The following NFIB variants were observed in gnomAD, a reference collection of about 807,000 sequenced individuals.
NFIB encodes nuclear factor I B, also known as nuclear factor 1 B-type.
Under a neutral mutation model 61.5 loss-of-function variants are expected in NFIB, and 11 were observed. The observed-to-expected ratio is 0.18, with a 90% CI of 0.11 to 0.30. The LOEUF is 0.30. Ranked by LOEUF, NFIB falls within the 10% of genes least tolerant of loss-of-function variation. NFIB has a pLI of 1.00. For synonymous variants in NFIB, 260 were observed against 216.5 expected (o/e 1.20, Z -1.76); for missense variants, 471 against 608.9 (o/e 0.77, Z 2.38).
chr9:14,405,735 A>G, the NFIB span, among the ~76,000 whole-genome samples: 1 of 152,224 alleles, frequency 6.6e-6, no homozygotes, highest in Non-Finnish European at 1.5e-5. Flanking sequence ...AAACAGTAGG[A>G]AATCAGAATG....
At chr9:14,159,508 T>A (rs1306335472) in intron 3 of NFIB, among the ~76,000 whole-genome samples, 1 of 151,956 alleles carries the variant, frequency 6.6e-6, no homozygotes, top group Non-Finnish European at 1.5e-5. Context: ...CAGGGACAGG[T>A]GAGAATCAGC....
At chr9:14,188,906 G>T (rs2047653937) in intron 2 of NFIB, among the ~76,000 whole-genome samples, 1 of 152,148 alleles carries the variant, frequency 6.6e-6, no homozygotes, top group Non-Finnish European at 1.5e-5. Context: ...ATGAAAACCA[G>T]AATGTCATCA....
intron 2 of NFIB, among the ~76,000 whole-genome samples, chr9:14,277,569 TGAAA>T (rs1446361162): frequency 6.6e-6 from 1 of 152,192 alleles, no homozygotes; most frequent in Non-Finnish European, 1.5e-5. Flanking sequence ...TCCTCGTAGG[TGAAA>T]GAAAGAATTA....
chr9:14,401,239 G>C (rs1039752938), upstream of NFIB, among the ~76,000 whole-genome samples: 5 of 152,176 alleles, frequency 3.3e-5, no homozygotes, highest in African/African-American at 1.2e-4. Context: ...GGATCAATCA[G>C]CCTCTTGACA....
At chr9:14,513,183 G>A in the NFIB span, among the ~76,000 whole-genome samples, 1 of 151,880 alleles carries the variant, frequency 6.6e-6, no homozygotes, top group African/African-American at 2.4e-5. Flanking sequence ...TTCTTCCAAA[G>A]AGCAACTCTT....
intron 2 of NFIB, among the ~76,000 whole-genome samples, chr9:14,233,757 G>A (rs747305021): frequency 1.3e-5 from 2 of 152,110 alleles, no homozygotes; most frequent in African/African-American, 4.8e-5. Context: ...TTTAATAACT[G>A]TTTGCAAACT....
chr9:14,142,935 T>C (rs1439719246), intron 6 of NFIB, among the ~76,000 whole-genome samples: 1 of 152,118 alleles, frequency 6.6e-6, no homozygotes, highest in Non-Finnish European at 1.5e-5. Context: ...AGTGACTCAG[T>C]ATTATTTTCC....
At chr9:14,204,761 C>T (rs2049448481) in intron 2 of NFIB, 1 of 538,872 alleles carries the variant, frequency 1.9e-6, no homozygotes. Context: ...CCTGCCTGCC[C>T]TGTGTCGTAA....
chr9:14,222,948 G>A (rs1041703895), intron 2 of NFIB, among the ~76,000 whole-genome samples: 1 of 151,948 alleles, frequency 6.6e-6, no homozygotes, highest in Admixed American at 6.6e-5. Context: ...ATTCTATCTA[G>A]TGGCTTATGC....
intron 8 of NFIB, among the ~76,000 whole-genome samples, chr9:14,118,570 G>A (rs2038471646): frequency 6.6e-6 from 1 of 152,036 alleles, no homozygotes; most frequent in East Asian, 1.9e-4. Flanking sequence ...TTTTCTACTG[G>A]TTCAAACAGA....
intron 2 of NFIB, among the ~76,000 whole-genome samples, chr9:14,276,409 G>T (rs957907315): frequency 6.6e-6 from 1 of 152,114 alleles, no homozygotes; most frequent in Non-Finnish European, 1.5e-5. Flanking sequence ...CTAACTGGAA[G>T]ACATTAACAT....
At chr9:14,306,116 A>C in intron 2 of NFIB, 1 of 428,952 alleles carries the variant, frequency 2.3e-6, no homozygotes, top group Non-Finnish European at 3.9e-6. Flanking sequence ...TATTTAGGTA[A>C]AATGTATACC....
At chr9:14,352,922 G>A (rs976989399) in intron 1 of NFIB, among the ~76,000 whole-genome samples, 9 of 152,206 alleles carry the variant, frequency 5.9e-5, no homozygotes, top group African/African-American at 2.2e-4. Flanking sequence ...GTCTATAGGG[G>A]CAGGGTTAGG....
At chr9:14,425,368 C>A in the NFIB span, among the ~76,000 whole-genome samples, 12 of 152,036 alleles carry the variant, frequency 7.9e-5, no homozygotes, top group Admixed American at 7.9e-4. Flanking sequence ...AGTATTTGTA[C>A]CAGCAGGAAT....
At chr9:14,473,148 C>T in the NFIB span, among the ~76,000 whole-genome samples, 2 of 152,286 alleles carry the variant, frequency 1.3e-5, no homozygotes, top group African/African-American at 4.8e-5. Context: ...AGAGGTCTGA[C>T]GTGTTGCAGA....
intron 2 of NFIB, among the ~76,000 whole-genome samples, chr9:14,294,915 G>A (rs756672454): frequency 4.6e-5 from 7 of 152,142 alleles, no homozygotes; most frequent in Non-Finnish European, 8.8e-5. Flanking sequence ...CAGTTCAGTG[G>A]CCGTAGGGAA....
At chr9:14,490,934 T>C in the NFIB span, among the ~76,000 whole-genome samples, 35 of 152,212 alleles carry the variant, frequency 2.3e-4, no homozygotes, top group Non-Finnish European at 1.6e-4. Flanking sequence ...AGAATGTTCA[T>C]AGCAAGTCTA....
intron 3 of NFIB, among the ~76,000 whole-genome samples, chr9:14,164,518 C>A (rs2044565117): frequency 6.6e-6 from 1 of 152,002 alleles, no homozygotes; most frequent in Non-Finnish European, 1.5e-5. Context: ...CTTATGGGAC[C>A]ACTGCCATAT....
intron 2 of NFIB, among the ~76,000 whole-genome samples, chr9:14,280,695 G>C (rs1291857876): frequency 1.3e-5 from 2 of 152,274 alleles, no homozygotes; most frequent in African/African-American, 4.8e-5. Context: ...TGACAGCTCA[G>C]TGTGGGTGCA....
Sources: allele counts gnomAD v4.1 joint callset (sites outside exome capture counted in the v4.1 genomes callset), GRCh38; gene constraint gnomAD v4.1.1; transcripts MANE v1.5; gene names NCBI Gene and HGNC (gene_info 2026-07-23, HGNC 2026-07-21).